The following PPP1R36 variants were observed in gnomAD, a reference collection of about 807,000 sequenced individuals.
PPP1R36 encodes protein phosphatase 1 regulatory subunit 36.
A neutral mutation model predicts 53.4 loss-of-function variants in PPP1R36; 47 were observed. The observed-to-expected ratio is 0.88, with a 90% CI of 0.70 to 1.12. PPP1R36 has a LOEUF of 1.12. Ranked by LOEUF, PPP1R36 falls within the 50% of genes most tolerant of loss-of-function variation. The pLI, the probability that PPP1R36 is intolerant of heterozygous loss-of-function variation, is 0.00. For synonymous variants in PPP1R36, 153 were observed against 170.5 expected, an observed-to-expected ratio of 0.90 and a Z score of 0.80; for missense variants, 456 against 513.9, an observed-to-expected ratio of 0.89 and a Z score of 1.09.
chr14:64,572,793 G>C lies in PPP1R36; in HGVS notation c.534-1662G>C, dbSNP rs9671317. ...AGGCATTCCTTGGTGGCTGTAGTTT[G>C]ATTTGGTTGTTTTCTACAGCAAAAG... On this transcript the variant is annotated intron_variant, in intron 7 of 11. Transcript: ENST00000298705. 9.0e-3 allele frequency among the ~76,000 whole-genome samples: 1,370 copies of C among 152,298 alleles called. 21 individuals carry two copies. Among genetic ancestry groups the C allele is most frequent in the African/African-American group, 0.032 (1,313 of 41,556 alleles).
intron 2 of PPP1R36, among the ~76,000 whole-genome samples, chr14:64,551,884 A>C (rs2080096412): frequency 6.6e-6 from 1 of 152,196 alleles, no homozygotes; most frequent in Admixed American, 6.5e-5. Flanking sequence ...TGTTCAAAGA[A>C]TCTGCTAGAT....
At chr14:64,553,073 G>A (rs1339277182) in intron 3 of PPP1R36, among the ~76,000 whole-genome samples, 2 of 151,998 alleles carry the variant, frequency 1.3e-5, no homozygotes, top group African/African-American at 4.8e-5. Context: ...CCAGGCTTAG[G>A]TGATTCTCCC....
chr14:64,550,023 C>A lies in PPP1R36; in HGVS notation c.26C>A (p.Ala9Glu), dbSNP rs1194033250. Residue 9 changes from alanine to glutamate, a missense_variant, in exon 1 of 12, where the codon GCG (alanine) becomes GAG (glutamate). Physicochemically the swap from Ala to Glu is moderately radical, Grantham distance 107 (BLOSUM62 -1). Coordinates refer to ENST00000298705, the MANE Select transcript of PPP1R36 (RefSeq NM_172365.3). ...ATGTACCGGGTGCCCGAGTTTTATGCGAGGAGGAAGCGGTTAGGTGGGCAG... is the reference window on the plus strand; with the variant it reads ...ATGTACCGGGTGCCCGAGTTTTATGAGAGGAGGAAGCGGTTAGGTGGGCAG... MYRVPEFY[A>E]RRKRLGGQTP... is the part of the protein sequence containing the mutation. The A allele has an allele frequency of 3.2e-6, 5 of 1,574,562 alleles. No homozygotes were observed. Among genetic ancestry groups the A allele is most frequent in the Admixed American group, 1.8e-5 (1 of 54,466 alleles).
At chr14:64,584,419 T>G (rs748152395) in intron 8 of PPP1R36, among the ~76,000 whole-genome samples, 1 of 152,152 alleles carries the variant, frequency 6.6e-6, no homozygotes, top group South Asian at 2.1e-4. Flanking sequence ...CAGGTGTTCA[T>G]GGTCTCTGGT....
chr14:64,578,591 TAA>T (rs1340389048), intron 8 of PPP1R36, among the ~76,000 whole-genome samples: 1 of 152,126 alleles, frequency 6.6e-6, no homozygotes, highest in African/African-American at 2.4e-5. Context: ...TGGCCATTAT[TAA>T]AAAGTCAAAA....
At chr14:64,582,294 C>G (rs1351087110) in intron 8 of PPP1R36, among the ~76,000 whole-genome samples, 1 of 152,176 alleles carries the variant, frequency 6.6e-6, no homozygotes, top group African/African-American at 2.4e-5. Context: ...TTTTTTCTCC[C>G]TAGCCCAGAA....
intron 3 of PPP1R36, among the ~76,000 whole-genome samples, chr14:64,553,153 C>T (rs1029930303): frequency 1.3e-5 from 2 of 151,950 alleles, no homozygotes; most frequent in African/African-American, 4.8e-5. Flanking sequence ...CAGTTTTTCA[C>T]CATGTTGCCC....
chr14:64,571,110 C>CTGTTTGTTTGTT (rs10638013), intron 7 of PPP1R36, among the ~76,000 whole-genome samples: 10 of 150,396 alleles, frequency 6.6e-5, no homozygotes, highest in South Asian at 2.1e-4. Flanking sequence ...TATGTATGTA[C>CTGTTTGTTTGTT]TGTTTGTTTG....
In PPP1R36 at chr14:64,589,232, C is replaced by A. The variant is rs2080464440; in HGVS notation, c.1163C>A (p.Ser388Ter). ...CTTGATCCAGAAGAAAACACAAAAT[C>A]ATTTGGGAGATATCCTTCCTTGATG... ...HPLDPEENTK[S>*]FGRYPSLMEN... The change falls in exon 12 of 12, where the codon TCA (serine) becomes TAA (stop). Residue 388 changes from serine (S) to a stop codon, truncating the protein, a stop_gained. Transcript: ENST00000298705. LOFTEE classifies it low-confidence loss of function (END_TRUNC). The A allele has an allele frequency of 2.5e-6, 4 of 1,613,964 alleles. No individual in the cohort carries two copies. The highest frequency in any genetic ancestry group is 8.5e-7 in the Non-Finnish European group (1 of 1,179,884).
At chr14:64,562,803 AT>A (rs535438534) in intron 3 of PPP1R36, among the ~76,000 whole-genome samples, 1 of 151,922 alleles carries the variant, frequency 6.6e-6, no homozygotes, top group African/African-American at 2.4e-5. Flanking sequence ...ACTAGATGAT[AT>A]TTTTTTACTT....
At chr14:64,550,614 T>A (rs567704372) in intron 1 of PPP1R36, among the ~76,000 whole-genome samples, 1 of 152,300 alleles carries the variant, frequency 6.6e-6, no homozygotes, top group Non-Finnish European at 1.5e-5. Flanking sequence ...CTTCCTCCGC[T>A]GCTTCTTTCC....
chr14:64,575,945 T>C (rs1166928022), intron 8 of PPP1R36, among the ~76,000 whole-genome samples: 6 of 151,798 alleles, frequency 4.0e-5, no homozygotes, highest in African/African-American at 1.5e-4. Context: ...CCACTGCGCC[T>C]GGCCTAGTTT....
intron 8 of PPP1R36, among the ~76,000 whole-genome samples, chr14:64,576,216 G>A (rs1232062302): frequency 6.6e-6 from 1 of 151,582 alleles, no homozygotes; most frequent in African/African-American, 2.4e-5. Flanking sequence ...GAGTAGCTGG[G>A]ATTACAGGCA....
At chr14:64,576,751 CTCTT>C (rs2080344967) in intron 8 of PPP1R36, among the ~76,000 whole-genome samples, 1 of 152,192 alleles carries the variant, frequency 6.6e-6, no homozygotes, top group African/African-American at 2.4e-5. Flanking sequence ...TGGGAATACA[CTCTT>C]AATGTGTATT....
rs145761202 is a variant in PPP1R36 at position 64,573,806 on chromosome 14, G to A, written c.534-649G>A. Among the ~76,000 whole-genome samples, 44 of 148,578 alleles carry A rather than the reference G, an allele frequency of 3.0e-4. No homozygotes were observed. The East Asian group carries it at 8.1e-3, about 27-fold the overall frequency. ...TAGGCACCTGTAATCCCAGTTACTC[G>A]GGAGGCTGAGGCAGGAGAATTCCTT... On this transcript the variant is annotated intron_variant, in intron 7 of 11. Coordinates refer to ENST00000298705, the MANE Select transcript of PPP1R36 (RefSeq NM_172365.3).
intron 1 of PPP1R36, chr14:64,550,326 A>AT: frequency 1.6e-6 from 2 of 1,262,074 alleles, no homozygotes; most frequent in Non-Finnish European, 2.0e-6. Flanking sequence ...ACCACCTCTA[A>AT]TTGGTTGGTT....
intron 7 of PPP1R36, among the ~76,000 whole-genome samples, chr14:64,573,138 C>T (rs1405018217): frequency 6.6e-6 from 1 of 152,162 alleles, no homozygotes; most frequent in East Asian, 1.9e-4. Context: ...AAGAGTACAA[C>T]TCACTTTTCA....
At chr14:64,567,519 T>C (rs1372655539) in intron 6 of PPP1R36, among the ~76,000 whole-genome samples, 1 of 152,228 alleles carries the variant, frequency 6.6e-6, no homozygotes, top group African/African-American at 2.4e-5. Context: ...TTGCAAAGAA[T>C]TGTATGTATA....
Position 64,550,923 on chromosome 14 carries a change from G to A in PPP1R36, c.72G>A (p.Gln24=). The change falls in exon 2 of 12, where the codon CAG becomes CAA. Residue 24 remains glutamine (Q), a splice_region_variant and synonymous_variant. Coordinates refer to ENST00000298705, the MANE Select transcript of PPP1R36 (RefSeq NM_172365.3). ...GCTGCAATCATTTCGTTTTACAGCA[G>A]TTGGGATTACGATTAGGGATGTGGT... is the stretch of plus-strand genomic sequence containing the variant. The part of the protein sequence containing the change: ...LGGQTPYLMD[Q]LGLRLGMWYW... 6.2e-7 allele frequency: 1 copy of A among 1,607,688 alleles called. No homozygotes were observed. The highest frequency in any genetic ancestry group is 1.1e-5 in the South Asian group (1 of 89,592).
Sources: allele counts gnomAD v4.1 joint callset (sites outside exome capture counted in the v4.1 genomes callset), GRCh38; gene constraint gnomAD v4.1.1; transcripts MANE v1.5; gene names NCBI Gene and HGNC (gene_info 2026-07-23, HGNC 2026-07-21).